The following EXOC3L1 variants were observed in gnomAD, a reference collection of about 807,000 sequenced individuals.
The protein encoded by EXOC3L1 is exocyst complex component 3 like 1.
EXOC3L1 carries 79 observed loss-of-function variants against 83.6 expected under a neutral mutation model. The ratio of observed to expected loss-of-function variants is 0.95; its 90% CI spans 0.79 to 1.14. The LOEUF is 1.14. Among genes scored for constraint, EXOC3L1 ranks in the 50% most tolerant of loss-of-function variants. The pLI, the probability that EXOC3L1 is intolerant of heterozygous loss-of-function variation, is 0.00. For synonymous variants in EXOC3L1, 433 were observed against 451.2 expected (o/e 0.96, Z 0.51); for missense variants, 945 against 972.0 (o/e 0.97, Z 0.37).
At chr16:67,186,929 C>T in intron 6 of EXOC3L1, 45 bp from the exon 7 acceptor site, 2 of 1,612,978 alleles carry the variant, frequency 1.2e-6, no homozygotes, top group Non-Finnish European at 1.7e-6. Context: ...AGGGATCTGA[C>T]CCTGCTGGAG....
chr16:67,185,225 G>A lies in EXOC3L1; in HGVS notation c.1660C>T (p.Leu554=). The change falls in exon 11 of 14, where the codon CTG becomes TTG. Residue 554 remains leucine (L), a synonymous_variant. Transcript: ENST00000314586. ...LFADLPSRQW[L]SSPELLQSVC... is the part of the protein sequence containing the mutation. ...CTTTGCAGGAGCTCAGGGCTCGACA[G>A]CCATTGGCGCGAGGGCAGATCCGCG... is the stretch of plus-strand genomic sequence containing the variant. The A allele has an allele frequency of 6.2e-7, 1 of 1,613,402 alleles. No homozygotes were observed. The highest frequency in any genetic ancestry group is 8.5e-7 in the Non-Finnish European group (1 of 1,180,004).
chr16:67,188,674 G>T, intron 4 of EXOC3L1, 47 bp downstream of exon 4: 1 of 1,553,800 alleles, frequency 6.4e-7, no homozygotes, highest in Non-Finnish European at 8.8e-7. Context: ...ATGGGTGTTT[G>T]TGGACTGACT....
At position 67,187,246 on chromosome 16, in the gene EXOC3L1, C is replaced by T. The variant is rs1315920657; in HGVS notation, c.1019G>A (p.Trp340Ter). Residue 340 changes from tryptophan to a stop codon, truncating the protein, a stop_gained, in exon 5 of 14, where the codon TGG becomes TAG. Coordinates refer to ENST00000314586, the MANE Select transcript of EXOC3L1 (RefSeq NM_178516.4). LOFTEE classifies it high-confidence loss of function. Reference sequence around the variant, plus strand: ...TGACCCCAGGTACACATGCAGTGCCCAGTGCAGCAAGGCGAAGGCATCCGC... The same window carrying T: ...TGACCCCAGGTACACATGCAGTGCCTAGTGCAGCAAGGCGAAGGCATCCGC... ...EAADAFALLHWALHVYLGQEM... is the reference protein window; with the variant it reads ...EAADAFALLH 1.2e-6 allele frequency: 2 copies of T among 1,612,022 alleles called. No homozygotes were observed. Among genetic ancestry groups the T allele is most frequent in the South Asian group, 1.1e-5 (1 of 91,054 alleles).
At chr16:67,189,559 G>A in intron 2 of EXOC3L1, 72 bp downstream of exon 2, 1 of 1,571,016 alleles carries the variant, frequency 6.4e-7, no homozygotes, top group African/African-American at 1.3e-5. Context: ...TTACAGGCGT[G>A]AGCCACTGCG....
chr16:67,186,543 G>A lies in EXOC3L1; in HGVS notation c.1385+14C>T, dbSNP rs1439469847. On this transcript the variant is annotated intron_variant, in intron 8 of 13. Transcript: ENST00000314586. ...AGGGATAGGGATCAGGAATGGGTCAGTGCCTCAGCAAACCTCCTCAAGAAT... is the reference window on the plus strand; with the variant it reads ...AGGGATAGGGATCAGGAATGGGTCAATGCCTCAGCAAACCTCCTCAAGAAT... The A allele has an allele frequency of 5.6e-6, 9 of 1,612,630 alleles. No individual in the cohort carries two copies. The African/African-American group carries it at 1.1e-4, about 19-fold the overall frequency.
chr16:67,185,302 T>C (rs1404737209), intron 10 of EXOC3L1, 44 bp from the exon 11 acceptor site: 17 of 1,613,000 alleles, frequency 1.1e-5, no homozygotes, highest in Non-Finnish European at 1.4e-5. Flanking sequence ...GAGACCCCCA[T>C]ACGTAGCTGT....
chr16:67,186,576 G>T lies in EXOC3L1; in HGVS notation c.1366C>A (p.Leu456Met). The T allele has an allele frequency of 6.2e-7, 1 of 1,613,992 alleles. No individual in the cohort carries two copies. Among genetic ancestry groups the T allele is most frequent in the Non-Finnish European group, 8.5e-7 (1 of 1,179,918 alleles). The change falls in exon 8 of 14, where the codon CTG becomes ATG. Residue 456 changes from leucine to methionine, a missense_variant. Leu to Met is a conservative substitution (Grantham distance 15). Coordinates refer to ENST00000314586, the MANE Select transcript of EXOC3L1 (RefSeq NM_178516.4). ...QRVHGMALSE[L>M]GTFLRSFSDA... ...GCAAACCTCCTCAAGAATGTGCCCA[G>T]TTCTGACAGTGCCATGCCATGCACT...
In EXOC3L1 at chr16:67,184,884, C is replaced by T. The variant is rs1256281877; in HGVS notation, c.1905+18G>A. ...CCACTGAGACTCTCGCCCGTCTGCCCGCCCAAGAAGCTCTCACCAAACTGA... is the reference window on the plus strand; with the variant it reads ...CCACTGAGACTCTCGCCCGTCTGCCTGCCCAAGAAGCTCTCACCAAACTGA... On this transcript the variant is annotated intron_variant, in intron 12 of 13. Coordinates refer to ENST00000314586, the MANE Select transcript of EXOC3L1 (RefSeq NM_178516.4). 1 of 1,611,708 alleles carries T rather than the reference C, an allele frequency of 6.2e-7. No individual in the cohort carries two copies. The highest frequency in any genetic ancestry group is 8.5e-7 in the Non-Finnish European group (1 of 1,179,806).
At chr16:67,189,871 C>T (rs1214629941) in intron 1 of EXOC3L1, 100 bp downstream of exon 1, 10 of 610,910 alleles carry the variant, frequency 1.6e-5, no homozygotes, top group Middle Eastern at 4.3e-4. Context: ...GTTTCCCAGT[C>T]GTGCCCCTGC....
rs1394873698 is a variant in EXOC3L1, at chr16:67,187,035, C to T, written c.1144G>A (p.Val382Met). 6.2e-7 allele frequency: 1 copy of T among 1,613,654 alleles called. No individual in the cohort carries two copies. The highest frequency in any genetic ancestry group is 8.5e-7 in the Non-Finnish European group (1 of 1,180,018). Residue 382 changes from valine to methionine, a missense_variant, in exon 6 of 14, where the codon GTG (valine) becomes ATG (methionine). Val to Met is a conservative substitution (Grantham distance 21). Transcript: ENST00000314586. ...CAACTACTCACCTGGATGTTGGCCA[C>T]AAATGTTGCCTCCAGCTGCTCAATG... is the stretch of plus-strand genomic sequence containing the variant. ...ENIEQLEATF[V>M]ANIQASVSQW... is the part of the protein sequence containing the mutation.
chr16:67,187,410 G>A lies in EXOC3L1; in HGVS notation c.855C>T (p.Val285=), dbSNP rs143722277. ...WLEALRVALP[V]ELATAEALVA... ...CTAGTGCCTCAGCTGTGGCCAACTC[G>A]ACTGGCAGGGCCACTCGCAGAGCCT... Residue 285 remains valine, a synonymous_variant, in exon 5 of 14, where the codon GTC becomes GTT. Transcript: ENST00000314586. The A allele has an allele frequency of 6.2e-5, 100 of 1,611,746 alleles. No individual in the cohort carries two copies. Among genetic ancestry groups the A allele is most frequent in the Non-Finnish European group, 7.7e-5 (91 of 1,179,870 alleles).
rs1252217140 is a variant in EXOC3L1, at chr16:67,188,714, T to G, written c.427+7A>C. On this transcript the variant is annotated splice_region_variant and intron_variant, in intron 4 of 13. Transcript: ENST00000314586. ...GAGGCTGAGGCCCAGGGTCCCTGCATGCTCACCTGCCCGCAGCCGAGGCAG... is the reference window on the plus strand; with the variant it reads ...GAGGCTGAGGCCCAGGGTCCCTGCAGGCTCACCTGCCCGCAGCCGAGGCAG... 6 of 1,606,958 alleles carry G rather than the reference T, an allele frequency of 3.7e-6. No homozygotes were observed. The African/African-American group carries it at 6.7e-5, about 18-fold the overall frequency.
Position 67,185,356 on chromosome 16 carries a change from C to G in EXOC3L1, c.1626+5G>C. The G allele has an allele frequency of 1.9e-6, 3 of 1,612,872 alleles. No individual in the cohort carries two copies. The highest frequency in any genetic ancestry group is 2.5e-6 in the Non-Finnish European group (3 of 1,180,024). Reference sequence around the variant, plus strand: ...GCTCCCATCCTGACCTGAAGGAGGCCTCACCTGGAGCTCCGCCTGCAGCGC... The same window carrying G: ...GCTCCCATCCTGACCTGAAGGAGGCGTCACCTGGAGCTCCGCCTGCAGCGC... On this transcript the variant is annotated splice_donor_5th_base_variant and intron_variant, in intron 10 of 13. Coordinates refer to ENST00000314586, the MANE Select transcript of EXOC3L1 (RefSeq NM_178516.4).
intron 9 of EXOC3L1, 93 bp from the exon 10 acceptor site, chr16:67,185,583 G>C: frequency 8.4e-7 from 1 of 1,190,606 alleles, no homozygotes. Flanking sequence ...TGTGGGGCAA[G>C]TGTTTGACGG....
In EXOC3L1 at chr16:67,184,556, C is replaced by T. The variant is rs2032622747; in HGVS notation, c.2079G>A (p.Arg693=). The T allele has an allele frequency of 6.5e-7, 1 of 1,536,940 alleles. No homozygotes were observed. Among genetic ancestry groups the T allele is most frequent in the African/African-American group, 1.4e-5 (1 of 72,336 alleles). ...AGCTGAGCGCGGCCAGGTGCTGCTC[C>T]CGGGACAAGTCCCCGCGCAGGCCCA... ...ALLGLRGDLS[R]EQHLAALSSL... The change falls in exon 14 of 14, where the codon CGG becomes CGA. Residue 693 remains arginine (R), a synonymous_variant. Transcript: ENST00000314586.
At chr16:67,188,968 G>C (rs908951930) in intron 3 of EXOC3L1, 28 bp from the exon 4 acceptor site, 2 of 1,609,676 alleles carry the variant, frequency 1.2e-6, no homozygotes, top group Non-Finnish European at 1.7e-6. Context: ...CATGAGGCTG[G>C]GCCAGCCCTG....
At chr16:67,184,651 C>T in intron 13 of EXOC3L1, 35 bp downstream of exon 13, 5 of 1,580,720 alleles carry the variant, frequency 3.2e-6, no homozygotes, top group Non-Finnish European at 4.3e-6. Context: ...TCCCCGCCCT[C>T]CGGCTTCTCT....
At position 67,188,889 on chromosome 16, in the gene EXOC3L1, C is replaced by A. The variant is rs369717809; in HGVS notation, c.259G>T (p.Ala87Ser). 2.0e-5 allele frequency: 33 copies of A among 1,613,066 alleles called. No homozygotes were observed. Among genetic ancestry groups the A allele is most frequent in the Non-Finnish European group, 2.7e-5 (32 of 1,180,012 alleles). The change falls in exon 4 of 14, where the codon GCC becomes TCC. Residue 87 changes from alanine to serine, a missense_variant. Transcript: ENST00000314586. ...EGVQTGVWQL[A>S]QAIEVVQGTR... ...CCCTGCACCACCTCAATGGCCTGGG[C>A]CAGCTGCCACACACCAGTCTGCACG... is the stretch of plus-strand genomic sequence containing the variant.
Position 67,184,813 on chromosome 16 carries a change from G to A in EXOC3L1, c.1906-3C>T, listed in dbSNP as rs568605749. 1.6e-5 allele frequency: 26 copies of A among 1,603,602 alleles called. No individual in the cohort carries two copies. In the South Asian group the frequency reaches 2.6e-4, roughly 16 times the overall value. On this transcript the variant is annotated splice_polypyrimidine_tract_variant and splice_region_variant and intron_variant, in intron 12 of 13. Transcript: ENST00000314586. ...CAGTGCGCGTTCTCCTCCAGGCCCTGAGCACGTCGGGGTAGGGTCTCGCGC... is the reference window on the plus strand; with the variant it reads ...CAGTGCGCGTTCTCCTCCAGGCCCTAAGCACGTCGGGGTAGGGTCTCGCGC...
Sources: allele counts gnomAD v4.1 joint callset, GRCh38; gene constraint gnomAD v4.1.1; transcripts MANE v1.5; gene names NCBI Gene and HGNC (gene_info 2026-07-23, HGNC 2026-07-21).